WAPL: variants seen among roughly 807,000 people sequenced by gnomAD.
WAPL encodes the protein WAPL cohesin release factor.
Under a neutral mutation model 121.0 loss-of-function variants are expected in WAPL, and 5 were observed. The observed-to-expected ratio is 0.04, with a 90% CI of 0.02 to 0.09. WAPL has a LOEUF of 0.09. Ranked by LOEUF, WAPL falls within the 10% of genes least tolerant of loss-of-function variation. The probability of loss-of-function intolerance (pLI) is 1.00; values close to 1 mark genes in which losing one functional copy is unlikely to be tolerated. For synonymous variants in WAPL, 480 were observed against 481.5 expected (o/e 1.00, Z 0.04); for missense variants, 999 against 1,410.8 (o/e 0.71, Z 4.68).
intron 4 of WAPL, among the ~76,000 whole-genome samples, chr10:86,484,897 T>A (rs1841895450): frequency 6.6e-6 from 1 of 152,200 alleles, no homozygotes; most frequent in African/African-American, 2.4e-5. Context: ...AATCGCCTAA[T>A]GATGCATTTC....
At chr10:86,464,071 TTATCTTTTCATGGCACATCAGCCA>T (rs1841346287) in intron 9 of WAPL, among the ~76,000 whole-genome samples, 2 of 152,232 alleles carry the variant, frequency 1.3e-5, no homozygotes, top group African/African-American at 4.8e-5. Context: ...CTATTTTAAA[TTATCTTTTCATGGCACATCAGCCA>T]TACCAATATA....
intron 9 of WAPL, among the ~76,000 whole-genome samples, chr10:86,462,657 G>A (rs1043217676): frequency 2.5e-4 from 36 of 145,080 alleles, no homozygotes; most frequent in African/African-American, 9.0e-4. Flanking sequence ...GGAGGTGGAG[G>A]TTGCAGTGAG....
chr10:86,520,766 T>TAA lies in WAPL; in HGVS notation c.-23+597_-23+598dup, dbSNP rs10574217. Among the ~76,000 whole-genome samples, 71 of 98,094 alleles carry TAA rather than the reference T, an allele frequency of 7.2e-4. 1 individual carries two copies. Among genetic ancestry groups the TAA allele is most frequent in the South Asian group, 3.8e-4 (1 of 2,600 alleles). The allele number at this position is 98,094 out of a possible 152,430, so 64.4% of individuals were successfully genotyped here. ...ATTTTGAGAGAAGTGCGCTGTGATT[T>TAA]AAAAAAAAAAAAAAAAAAAAAAAAG... On this transcript the variant is annotated intron_variant, in intron 1 of 18. Transcript: ENST00000298767.
chr10:86,501,760 C>T (rs775373964), intron 2 of WAPL, among the ~76,000 whole-genome samples: 1 of 152,218 alleles, frequency 6.6e-6, no homozygotes, highest in African/African-American at 2.4e-5. Context: ...ACTGCAGCTT[C>T]AGAGACCTCC....
chr10:86,519,905 A>C (rs916580620), intron 1 of WAPL, among the ~76,000 whole-genome samples: 48 of 152,232 alleles, frequency 3.2e-4, no homozygotes, highest in African/African-American at 1.1e-3. Context: ...AAACTGTTAA[A>C]ATGGTTCTAT....
chr10:86,519,355 T>C (rs1428390484), intron 1 of WAPL, among the ~76,000 whole-genome samples: 1 of 152,208 alleles, frequency 6.6e-6, no homozygotes, highest in Non-Finnish European at 1.5e-5. Context: ...AATCATTACT[T>C]TGAAAGCTAC....
chr10:86,473,145 C>T (rs2132193801), intron 5 of WAPL, among the ~76,000 whole-genome samples: 1 of 152,208 alleles, frequency 6.6e-6, no homozygotes, highest in South Asian at 2.1e-4. Flanking sequence ...TTTAGTAGCA[C>T]AAGAGTGTGA....
chr10:86,448,391 T>C (rs1233298629), intron 15 of WAPL, among the ~76,000 whole-genome samples: 2 of 152,122 alleles, frequency 1.3e-5, no homozygotes, highest in Admixed American at 6.5e-5. Context: ...GTAAAGGCTG[T>C]AGTGAGCTGT....
At chr10:86,447,645 G>C (rs1428677803) in intron 15 of WAPL, among the ~76,000 whole-genome samples, 1 of 152,162 alleles carries the variant, frequency 6.6e-6, no homozygotes, top group Non-Finnish European at 1.5e-5. Context: ...CAGGAAGTAT[G>C]TGTTTGGTGA....
In WAPL at chr10:86,500,028, T is replaced by C; in HGVS notation, c.1215A>G (p.Ala405=). 6.2e-7 allele frequency: 1 copy of C among 1,614,164 alleles called. No homozygotes were observed. Among genetic ancestry groups the C allele is most frequent in the Non-Finnish European group, 8.5e-7 (1 of 1,180,014 alleles). The change falls in exon 3 of 19, where the codon GCA becomes GCG. Residue 405 remains alanine, a synonymous_variant. Coordinates refer to ENST00000298767, the MANE Select transcript of WAPL (RefSeq NM_015045.5). ...AGRLRKKADI[A]TSKTTTRFRP... ...GAAATCTAGTAGTAGTCTTAGAAGT[T>C]GCAATATCTGCCTTTTTTCTGAGAC... is the stretch of plus-strand genomic sequence containing the variant.
chr10:86,479,407 G>C (rs10887616), intron 4 of WAPL, among the ~76,000 whole-genome samples: 146,391 of 152,232 alleles, frequency 0.96, 70,533 homozygotes, highest in East Asian at 1. Flanking sequence ...ACAAGCGCCA[G>C]CACGCCTGGC....
chr10:86,506,596 T>C (rs1486088348), intron 2 of WAPL, among the ~76,000 whole-genome samples: 1 of 151,990 alleles, frequency 6.6e-6, no homozygotes, highest in Non-Finnish European at 1.5e-5. Context: ...GAGACCAGCC[T>C]AGGCAACAAA....
intron 4 of WAPL, 84 bp from the exon 5 acceptor site, chr10:86,474,057 T>C: frequency 1.8e-6 from 2 of 1,102,414 alleles, no homozygotes; most frequent in Non-Finnish European, 1.4e-6. Flanking sequence ...TTTATATGCA[T>C]AAACATGTCC....
At chr10:86,515,205 G>A (rs972538431) in intron 2 of WAPL, among the ~76,000 whole-genome samples, 9 of 151,294 alleles carry the variant, frequency 5.9e-5, no homozygotes, top group African/African-American at 1.9e-4. Context: ...AGGTTGCAGT[G>A]AGCCAAGATA....
intron 4 of WAPL, among the ~76,000 whole-genome samples, chr10:86,478,020 A>G (rs1017265393): frequency 1.3e-5 from 2 of 150,300 alleles, no homozygotes; most frequent in Admixed American, 6.8e-5. Flanking sequence ...GTGCCATTGC[A>G]CTCCACCCTG....
At chr10:86,495,009 C>T (rs1167884511) in intron 4 of WAPL, among the ~76,000 whole-genome samples, 1 of 152,068 alleles carries the variant, frequency 6.6e-6, no homozygotes, top group East Asian at 1.9e-4. Flanking sequence ...CCAGTGGGCT[C>T]TTCAGGTAAA....
chr10:86,472,832 T>C lies in WAPL; in HGVS notation c.1741-68A>G, dbSNP rs1244113125. On this transcript the variant is annotated intron_variant, in intron 5 of 18. Transcript: ENST00000298767. The surrounding 1 kb of genome is among the most constrained non-coding windows in gnomAD (Gnocchi z 4.2). ...TAAAAATAGGAACGTCTCATCTATC[T>C]GGCAAATTCAGCTTCAAAAAAAAGT... The C allele has an allele frequency of 4.9e-6, 7 of 1,437,108 alleles. No individual in the cohort carries two copies. The highest frequency in any genetic ancestry group is 5.1e-5 in the Admixed American group (2 of 39,442). 89.0% of individuals were successfully genotyped at this position (1,437,108 alleles called of 1,614,324 possible).
At chr10:86,505,323 T>TTTTTTTTTTTTTC (rs1842328173) in intron 2 of WAPL, among the ~76,000 whole-genome samples, 1 of 144,904 alleles carries the variant, frequency 6.9e-6, no homozygotes, top group Non-Finnish European at 1.5e-5. Context: ...TTTTTTTTTT[T>TTTTTTTTTTTTTC]TTGGAGACAG....
At position 86,472,570 on chromosome 10, in the gene WAPL, A is replaced by G; in HGVS notation, c.1893+42T>C. On this transcript the variant is annotated intron_variant, in intron 6 of 18. Coordinates refer to ENST00000298767, the MANE Select transcript of WAPL (RefSeq NM_015045.5). This position sits in a 1 kb window ranked among gnomAD's most constrained non-coding sequence, Gnocchi z 4.2. Reference sequence around the variant, plus strand: ...TTAAATGGCTAAATGTTACATACAAAAATCTATCAACATGCAGTAAACACT... The same window carrying G: ...TTAAATGGCTAAATGTTACATACAAGAATCTATCAACATGCAGTAAACACT... The G allele has an allele frequency of 6.3e-7, 1 of 1,593,156 alleles. No individual in the cohort carries two copies. Among genetic ancestry groups the G allele is most frequent in the South Asian group, 1.1e-5 (1 of 88,060 alleles).
Sources: allele counts gnomAD v4.1 joint callset (sites outside exome capture counted in the v4.1 genomes callset), GRCh38; gene constraint gnomAD v4.1.1; non-coding constraint Gnocchi (gnomAD v3.1); transcripts MANE v1.5; gene names NCBI Gene and HGNC (gene_info 2026-07-23, HGNC 2026-07-21).